Variants in IRF8 observed in about 807,000 individuals in gnomAD.
IRF8 encodes interferon regulatory factor 8, also known as interferon consensus sequence binding protein 1.
IRF8 carries 14 observed loss-of-function variants against 48.7 expected under a neutral mutation model. That is an observed-to-expected ratio of 0.29 (90% CI 0.19 to 0.45). The LOEUF is 0.45. Among genes scored for constraint, IRF8 ranks in the 20% least tolerant of loss-of-function variants. The pLI, the probability that IRF8 is intolerant of heterozygous loss-of-function variation, is 1.00. For synonymous variants in IRF8, 278 were observed against 227.3 expected, an observed-to-expected ratio of 1.22 and a Z score of -2.01; for missense variants, 493 against 580.7, an observed-to-expected ratio of 0.85 and a Z score of 1.55.
chr16:85,909,383 G>A, intron 3 of IRF8: 1 of 585,854 alleles, frequency 1.7e-6, no homozygotes, highest in Non-Finnish European at 3.1e-6. Flanking sequence ...TGCCCAACCT[G>A]TGCCCCACTT....
At chr16:85,902,791 G>A in intron 1 of IRF8, 1 of 598,960 alleles carries the variant, frequency 1.7e-6, no homozygotes, top group Non-Finnish European at 3.0e-6. Context: ...GCTGGTGGCT[G>A]CAGGTTTCCC....
Position 85,913,218 on chromosome 16 carries a change from G to T in IRF8, c.535G>T (p.Ala179Ser). 5.0e-6 allele frequency: 8 copies of T among 1,613,750 alleles called. No homozygotes were observed. Among genetic ancestry groups the T allele is most frequent in the Non-Finnish European group, 6.8e-6 (8 of 1,179,664 alleles). The stretch of plus-strand genomic sequence containing the variant: ...GAGTCAGCTCCTTCCAGACTGGTGG[G>T]CGCAGCAGCCCAGCACAGGTGAGGG... ...CRSQLLPDWW[A>S]QQPSTGVPLV... The change falls in exon 5 of 9, where the codon GCG (alanine) becomes TCG (serine). Residue 179 changes from alanine (A) to serine (S), a missense_variant. Coordinates refer to ENST00000268638, the MANE Select transcript of IRF8 (RefSeq NM_002163.4).
At position 85,903,139 on chromosome 16, in the gene IRF8, C is replaced by A; in HGVS notation, c.124C>A (p.His42Asn). Reference sequence around the variant, plus strand: ...GAGCATGTTCCGGATCCCTTGGAAACACGCTGGCAAGCAAGATTATAATCA... The same window carrying A: ...GAGCATGTTCCGGATCCCTTGGAAAAACGCTGGCAAGCAAGATTATAATCA... Reference protein sequence around the residue: ...EKSMFRIPWKHAGKQDYNQEV... With the variant: ...EKSMFRIPWKNAGKQDYNQEV... The change falls in exon 2 of 9, where the codon CAC becomes AAC. Residue 42 changes from histidine to asparagine, a missense_variant. By Grantham distance (68) the His-to-Asn change is moderately conservative (BLOSUM62 1). This residue lies in a region of IRF8 where 54 missense variants were observed against 59.9 expected (regional missense o/e 0.90). Transcript: ENST00000268638. 6.2e-7 allele frequency: 1 copy of A among 1,614,194 alleles called. No individual in the cohort carries two copies. The highest frequency in any genetic ancestry group is 2.2e-5 in the East Asian group (1 of 44,882).
At chr16:85,913,627 C>T (rs1046686969) in intron 5 of IRF8, among the ~76,000 whole-genome samples, 4 of 152,190 alleles carry the variant, frequency 2.6e-5, no homozygotes, top group Admixed American at 2.0e-4. Flanking sequence ...CAGTCTGTTA[C>T]GACATTAAGG....
At chr16:85,911,755 C>G in intron 4 of IRF8, 97 bp downstream of exon 4, 1 of 1,017,770 alleles carries the variant, frequency 9.8e-7, no homozygotes, top group Non-Finnish European at 1.5e-6. Flanking sequence ...TGAAGGCAGC[C>G]AGACCCTCGG....
intron 2 of IRF8, among the ~76,000 whole-genome samples, chr16:85,904,735 A>G (rs1267871325): frequency 6.6e-6 from 1 of 150,794 alleles, no homozygotes; most frequent in Non-Finnish European, 1.5e-5. Context: ...CCTCAGCACC[A>G]AGAAGTTTTG....
At position 85,918,585 on chromosome 16, in the gene IRF8, C is replaced by G. The variant is rs757001229; in HGVS notation, c.770C>G (p.Ala257Gly). ...LELVRFPPAD[A>G]IPSERQRQVT... ...CTGGTGCGCTTCCCGCCGGCCGACG[C>G]CATCCCCAGCGAGCGACAGAGGCAG... Residue 257 changes from alanine (A) to glycine (G), a missense_variant, in exon 7 of 9, where the codon GCC becomes GGC. By Grantham distance (60) the Ala-to-Gly change is moderately conservative. Coordinates refer to ENST00000268638, the MANE Select transcript of IRF8 (RefSeq NM_002163.4). 1 of 1,606,318 alleles carries G rather than the reference C, an allele frequency of 6.2e-7. No homozygotes were observed. The highest frequency in any genetic ancestry group is 2.2e-5 in the East Asian group (1 of 44,872).
At chr16:85,899,382 C>A (rs2270501) in intron 1 of IRF8, among the ~76,000 whole-genome samples, 159 bp downstream of exon 1, 1 of 152,204 alleles carries the variant, frequency 6.6e-6, no homozygotes, top group Non-Finnish European at 1.5e-5. Context: ...TGCCTATTTT[C>A]CAGCCACCTA....
At chr16:85,914,079 G>T (rs1170609563) in intron 5 of IRF8, 8 of 309,468 alleles carry the variant, frequency 2.6e-5, no homozygotes, top group Non-Finnish European at 5.1e-5. Context: ...CTGTGCTGCA[G>T]GAACACCATC....
intron 6 of IRF8, among the ~76,000 whole-genome samples, chr16:85,918,112 G>T (rs1304810124): frequency 1.3e-5 from 2 of 152,178 alleles, no homozygotes; most frequent in Non-Finnish European, 2.9e-5. Context: ...TCAGCTTGAC[G>T]TGTAAATTAC....
At chr16:85,916,786 G>C (rs1905322623) in intron 6 of IRF8, among the ~76,000 whole-genome samples, 1 of 152,242 alleles carries the variant, frequency 6.6e-6, no homozygotes, top group African/African-American at 2.4e-5. Context: ...GGAGTCCGCA[G>C]GCAGTGCAGA....
At chr16:85,913,273 G>A (rs776587382) in intron 5 of IRF8, 37 bp downstream of exon 5, 5 of 1,443,136 alleles carry the variant, frequency 3.5e-6, no homozygotes, top group Non-Finnish European at 4.9e-6. Context: ...ACCAGGCATG[G>A]CCTGAAGGGT....
At chr16:85,899,367 CT>C (rs1904747353) in intron 1 of IRF8, 144 bp downstream of exon 1, 1 of 152,262 alleles carries the variant, frequency 6.6e-6, no homozygotes, top group Admixed American at 6.5e-5. Flanking sequence ...TCCCTCTCTG[CT>C]TTTTGCCTAT....
intron 2 of IRF8, among the ~76,000 whole-genome samples, chr16:85,908,014 C>T (rs1430623556): frequency 6.6e-6 from 1 of 151,526 alleles, no homozygotes; most frequent in Non-Finnish European, 1.5e-5. Context: ...TTACTTACCT[C>T]TTGGAATTGC....
At chr16:85,906,679 T>A (rs972887416) in intron 2 of IRF8, among the ~76,000 whole-genome samples, 4 of 152,248 alleles carry the variant, frequency 2.6e-5, no homozygotes, top group Non-Finnish European at 5.9e-5. Flanking sequence ...AACGTTGCCA[T>A]GAAATCTGTG....
chr16:85,918,688 G>T lies in IRF8; in HGVS notation c.873G>T (p.Arg291=), dbSNP rs778486190. 9.9e-6 allele frequency: 16 copies of T among 1,611,756 alleles called. No homozygotes were observed. The highest frequency in any genetic ancestry group is 1.2e-5 in the Non-Finnish European group (14 of 1,179,940). The change falls in exon 7 of 9, where the codon CGG becomes CGT. Residue 291 remains arginine, a synonymous_variant. Coordinates refer to ENST00000268638, the MANE Select transcript of IRF8 (RefSeq NM_002163.4). ...HSSRQGVFVK[R]LCQGRVFCSG... Reference sequence around the variant, plus strand: ...GCCGGCAGGGCGTGTTCGTCAAGCGGCTGTGCCAGGGCCGCGTGTTCTGCA... The same window carrying T: ...GCCGGCAGGGCGTGTTCGTCAAGCGTCTGTGCCAGGGCCGCGTGTTCTGCA...
intron 2 of IRF8, among the ~76,000 whole-genome samples, chr16:85,906,902 G>A (rs769590665): frequency 6.6e-6 from 1 of 152,084 alleles, no homozygotes; most frequent in African/African-American, 2.4e-5. Context: ...CACAAAGAAG[G>A]GTCCCAGCTG....
intron 6 of IRF8, 30 bp from the exon 7 acceptor site, chr16:85,918,387 G>A (rs371565651): frequency 3.8e-6 from 6 of 1,591,326 alleles, no homozygotes; most frequent in African/African-American, 1.3e-5. Context: ...TCTCCCCGCA[G>A]CACCGTCATC....
chr16:85,908,617 G>A (rs925660240), intron 2 of IRF8, among the ~76,000 whole-genome samples: 2 of 152,202 alleles, frequency 1.3e-5, no homozygotes, highest in African/African-American at 4.8e-5. Context: ...TGAACGCTCT[G>A]GTGAAACCAT....
Sources: allele counts gnomAD v4.1 joint callset (sites outside exome capture counted in the v4.1 genomes callset), GRCh38; gene constraint gnomAD v4.1.1; regional missense constraint gnomAD v4.1.1; transcripts MANE v1.5; gene names NCBI Gene and HGNC (gene_info 2026-07-23, HGNC 2026-07-21).